ANAPC1: variants seen among roughly 807,000 people sequenced by gnomAD.
The protein encoded by ANAPC1 is anaphase-promoting complex subunit 1.
Under a neutral mutation model 208.0 loss-of-function variants are expected in ANAPC1, and 36 were observed. That is an observed-to-expected ratio of 0.17 (90% confidence interval 0.13 to 0.23). ANAPC1 has a LOEUF of 0.23. ANAPC1 is among the 10% of genes least tolerant of loss of function. The pLI, the probability that ANAPC1 is intolerant of heterozygous loss-of-function variation, is 1.00. For missense variants in ANAPC1, 942 were observed against 2,011.6 expected (o/e 0.47, Z 10.17); for synonymous variants, 378 against 695.2 (o/e 0.54, Z 7.18).
chr2:111,842,020 T>G (rs1292324368), intron 17 of ANAPC1, among the ~76,000 whole-genome samples: 1 of 152,204 alleles, frequency 6.6e-6, no homozygotes, highest in East Asian at 1.9e-4. Context: ...ACAGTTTCTC[T>G]TTTAAGATTC....
chr2:111,847,403 A>G (rs1372731669), intron 15 of ANAPC1, among the ~76,000 whole-genome samples: 1 of 152,250 alleles, frequency 6.6e-6, no homozygotes, highest in East Asian at 1.9e-4. Flanking sequence ...TGTTTTAATA[A>G]AAAGTGTCTA....
chr2:111,794,349 A>G (rs1435445519), intron 35 of ANAPC1, 26 bp from the exon 36 acceptor site: 2 of 1,384,140 alleles, frequency 1.4e-6, no homozygotes, highest in Non-Finnish European at 2.0e-6. Flanking sequence ...AAGAAATTTA[A>G]TAATCATTAT....
intron 27 of ANAPC1, among the ~76,000 whole-genome samples, chr2:111,816,162 G>A (rs1450660653): frequency 1.3e-5 from 2 of 150,208 alleles, no homozygotes; most frequent in African/African-American, 4.9e-5. Flanking sequence ...TACTTGGGAG[G>A]CTAAGGCATG....
chr2:111,822,030 A>T (rs1050790541), intron 25 of ANAPC1, among the ~76,000 whole-genome samples: 2 of 152,180 alleles, frequency 1.3e-5, no homozygotes, highest in African/African-American at 4.8e-5. Context: ...TATGCAGTAG[A>T]AAATATTTAT....
intron 42 of ANAPC1, among the ~76,000 whole-genome samples, chr2:111,783,360 T>C (rs1472153348): frequency 1.3e-5 from 2 of 152,160 alleles, no homozygotes; most frequent in African/African-American, 4.8e-5. Flanking sequence ...GTTCTCATGA[T>C]AGTGAGTGAG....
In ANAPC1 at chr2:111,782,518, A is replaced by T. The variant is rs1573312741; in HGVS notation, c.5064-11T>A. 1 of 1,613,556 alleles carries T rather than the reference A, an allele frequency of 6.2e-7. No individual in the cohort carries two copies. The highest frequency in any genetic ancestry group is 2.2e-5 in the East Asian group (1 of 44,874). The stretch of plus-strand genomic sequence containing the variant: ...TTGGAAAGGATGGACCTGAAAGAAA[A>T]GGAATGAATTTAATATAAGGTATTA... On this transcript the variant is annotated splice_polypyrimidine_tract_variant and intron_variant, in intron 42 of 47. Coordinates refer to ENST00000341068, the MANE Select transcript of ANAPC1 (RefSeq NM_022662.4).
chr2:111,866,672 C>T (rs1191410047), intron 7 of ANAPC1, among the ~76,000 whole-genome samples: 1 of 149,114 alleles, frequency 6.7e-6, no homozygotes, highest in Non-Finnish European at 1.5e-5. Flanking sequence ...TGCAGTGAGC[C>T]GAGATCGTGC....
At chr2:111,850,283 G>GCCTT (rs1681317189) in intron 14 of ANAPC1, among the ~76,000 whole-genome samples, 1 of 151,218 alleles carries the variant, frequency 6.6e-6, no homozygotes, top group South Asian at 2.1e-4. Flanking sequence ...TCCTGCCTGT[G>GCCTT]CCTGTGTGGT....
At chr2:111,863,511 CAAAAA>C (rs372062409) in intron 9 of ANAPC1, among the ~76,000 whole-genome samples, 159 bp downstream of exon 9, 13 of 122,574 alleles carry the variant, frequency 1.1e-4, no homozygotes, top group Non-Finnish European at 1.3e-4. Context: ...GACTCCGTCT[CAAAAA>C]AAAAAAAAAA....
Position 111,767,707 on chromosome 2 carries a change from A to G in ANAPC1, c.*1584T>C, listed in dbSNP as rs561347855. 2 of 131,536 alleles carry G rather than the reference A, an allele frequency of 1.5e-5. No homozygotes were observed. Among genetic ancestry groups the G allele is most frequent in the Admixed American group, 7.6e-5 (1 of 13,166 alleles). The allele number at this position is 131,536 out of a possible 1,614,324, so 8.1% of individuals were successfully genotyped here. On this transcript the variant is annotated 3_prime_UTR_variant, in exon 48 of 48. Transcript: ENST00000341068. ...TAAACAACGGAGAGTGAAGACAGTA[A>G]CAACTGGTTTGATATTGAATTTTTA...
chr2:111,782,715 G>C (rs1677350852), intron 42 of ANAPC1, among the ~76,000 whole-genome samples: 1 of 152,156 alleles, frequency 6.6e-6, no homozygotes, highest in African/African-American at 2.4e-5. Flanking sequence ...TAGATTCATG[G>C]AACTTGTTAA....
Position 111,880,670 on chromosome 2 carries a change from A to T in ANAPC1, c.156T>A (p.Asp52Glu). ...LQPASELWSS[D>E]GAAGLVGSLQ... The stretch of plus-strand genomic sequence containing the variant: ...GGGATCCCACCAAGCCAGCAGCACC[A>T]TCAGAAGACCATAATTCAGAAGCTG... The change falls in exon 2 of 48, where the codon GAT becomes GAA. Residue 52 changes from aspartate (D) to glutamate (E), a missense_variant. Transcript: ENST00000341068. 1.2e-6 allele frequency: 2 copies of T among 1,613,452 alleles called. No homozygotes were observed. The highest frequency in any genetic ancestry group is 2.2e-5 in the South Asian group (2 of 91,060).
In ANAPC1 at chr2:111,792,520, C is replaced by A. The variant is rs774494210; in HGVS notation, c.4554G>T (p.Val1518=). 6.2e-7 allele frequency: 1 copy of A among 1,613,914 alleles called. No homozygotes were observed. The highest frequency in any genetic ancestry group is 8.5e-7 in the Non-Finnish European group (1 of 1,179,862). The change falls in exon 38 of 48, where the codon GTG becomes GTT. Residue 1518 remains valine (V), a synonymous_variant. Coordinates refer to ENST00000341068, the MANE Select transcript of ANAPC1 (RefSeq NM_022662.4). ...TGACCATGGCGAGAGACAGCAGCACCACGCTCAGACAAGTTTCTAGGTTAT... is the reference window on the plus strand; with the variant it reads ...TGACCATGGCGAGAGACAGCAGCACAACGCTCAGACAAGTTTCTAGGTTAT... ...GPHNLETCLS[V]VLLSLAMVMA...
intron 17 of ANAPC1, among the ~76,000 whole-genome samples, chr2:111,840,714 T>A (rs1195055182): frequency 6.6e-6 from 1 of 152,040 alleles, no homozygotes; most frequent in Non-Finnish European, 1.5e-5. Flanking sequence ...AACAGAAAAA[T>A]TGGGGATAAT....
At chr2:111,857,168 CTG>C (rs1421069642) in intron 11 of ANAPC1, 1 of 373,106 alleles carries the variant, frequency 2.7e-6, no homozygotes, top group Non-Finnish European at 5.0e-6. Context: ...TGTGAAAAAA[CTG>C]CATAGAACCA....
At chr2:111,773,547 T>C (rs1676857152) in intron 46 of ANAPC1, among the ~76,000 whole-genome samples, 1 of 152,104 alleles carries the variant, frequency 6.6e-6, no homozygotes, top group South Asian at 2.1e-4. Flanking sequence ...CAAAGGCATT[T>C]TGATACAGAA....
chr2:111,883,532 G>T (rs1683434949), intron 1 of ANAPC1, among the ~76,000 whole-genome samples: 1 of 143,698 alleles, frequency 7.0e-6, no homozygotes. Context: ...ACACTACCCT[G>T]CCAAAAAAAA....
At position 111,838,120 on chromosome 2, in the gene ANAPC1, C is replaced by A. The variant is rs532173857; in HGVS notation, c.2115+318G>T. ...AAGGAATATACCATGGAACCTGATACAATTGAGAACCTTAATTTAAAAAAC... is the reference window on the plus strand; with the variant it reads ...AAGGAATATACCATGGAACCTGATAAAATTGAGAACCTTAATTTAAAAAAC... On this transcript the variant is annotated intron_variant, in intron 18 of 47. Transcript: ENST00000341068. Among the ~76,000 whole-genome samples, 5 of 144,706 alleles carry A rather than the reference C, an allele frequency of 3.5e-5. No homozygotes were observed. In the East Asian group the frequency reaches 1.0e-3, roughly 30 times the overall value. 94.9% of individuals were successfully genotyped at this position (144,706 alleles called of 152,430 possible).
At chr2:111,830,261 C>T (rs2104455570) in intron 21 of ANAPC1, among the ~76,000 whole-genome samples, 1 of 152,170 alleles carries the variant, frequency 6.6e-6, no homozygotes, top group South Asian at 2.1e-4. Flanking sequence ...TAACTTTTGA[C>T]AAAAGTGCAA....
Sources: allele counts gnomAD v4.1 joint callset (sites outside exome capture counted in the v4.1 genomes callset), GRCh38; gene constraint gnomAD v4.1.1; transcripts MANE v1.5; gene names NCBI Gene and HGNC (gene_info 2026-07-23, HGNC 2026-07-21).